C12orf42: variants seen among roughly 807,000 people sequenced by gnomAD.
C12orf42 encodes the protein chromosome 12 open reading frame 42, also known as uncharacterized protein C12orf42.
Under a neutral mutation model 21.6 loss-of-function variants are expected in C12orf42, and 25 were observed. The ratio of observed to expected loss-of-function variants is 1.16; its 90% confidence interval spans 0.84 to 1.62. The LOEUF is 1.62. C12orf42 is among the 40% of genes most tolerant of loss of function. The probability of loss-of-function intolerance (pLI) is 0.00; values close to 1 mark genes in which losing one functional copy is unlikely to be tolerated. For synonymous variants in C12orf42, 174 were observed against 175.0 expected (o/e 0.99, Z 0.05); for missense variants, 483 against 459.3 (o/e 1.05, Z -0.47).
At chr12:103,231,282 C>A in the C12orf42 span, among the ~76,000 whole-genome samples, 1 of 152,212 alleles carries the variant, frequency 6.6e-6, no homozygotes, top group Admixed American at 6.5e-5. Flanking sequence ...ACATTTATTA[C>A]AACTGATAAG....
chr12:103,309,899 G>C (rs1566054397), intron 4 of C12orf42, among the ~76,000 whole-genome samples: 1 of 152,256 alleles, frequency 6.6e-6, no homozygotes, highest in Non-Finnish European at 1.5e-5. Context: ...TGCCTTCAGA[G>C]GCCAGGCGGA....
At chr12:103,499,822 C>T (rs974830190), upstream of C12orf42, among the ~76,000 whole-genome samples, 1 of 152,120 alleles carries the variant, frequency 6.6e-6, no homozygotes, top group Non-Finnish European at 1.5e-5. Flanking sequence ...CATCTTTGAA[C>T]TTTATCAGAC....
the C12orf42 span, among the ~76,000 whole-genome samples, chr12:103,515,871 TA>T: frequency 6.6e-6 from 1 of 152,184 alleles, no homozygotes; most frequent in East Asian, 1.9e-4. Flanking sequence ...ATAAGGCAAA[TA>T]GGATTCTTAA....
chr12:103,491,031 T>G (rs1955153049), intron 1 of C12orf42, among the ~76,000 whole-genome samples: 1 of 152,188 alleles, frequency 6.6e-6, no homozygotes, highest in Non-Finnish European at 1.5e-5. Context: ...TAGTCCAGTC[T>G]GGCAATCATA....
the C12orf42 span, among the ~76,000 whole-genome samples, chr12:103,513,173 T>C: frequency 6.6e-6 from 1 of 151,984 alleles, no homozygotes; most frequent in South Asian, 2.1e-4. Context: ...GCACTGTAAA[T>C]GGTTCAGAGA....
chr12:103,431,633 T>C (rs1365420606), intron 2 of C12orf42, among the ~76,000 whole-genome samples: 2 of 152,198 alleles, frequency 1.3e-5, no homozygotes, highest in Admixed American at 6.5e-5. Flanking sequence ...TATACACATA[T>C]ACATTACATA....
the C12orf42 span, among the ~76,000 whole-genome samples, chr12:103,060,251 C>A: frequency 2.4e-4 from 37 of 152,030 alleles, no homozygotes; most frequent in Admixed American, 1.6e-3. Flanking sequence ...AATAAGATAC[C>A]TAGGAATACA....
the C12orf42 span, among the ~76,000 whole-genome samples, chr12:103,146,254 G>C: frequency 6.6e-6 from 1 of 151,996 alleles, no homozygotes; most frequent in African/African-American, 2.4e-5. Context: ...GCCAAGGCGG[G>C]TGGATCACTT....
the C12orf42 span, among the ~76,000 whole-genome samples, chr12:103,545,267 C>T: frequency 3.0e-4 from 46 of 152,276 alleles, no homozygotes; most frequent in Admixed American, 2.5e-3. Context: ...AACTCTAGCA[C>T]GCATTCCAAG....
intron 5 of C12orf42, among the ~76,000 whole-genome samples, chr12:103,271,269 G>A (rs202229983): frequency 3.9e-5 from 6 of 152,108 alleles, no homozygotes; most frequent in Admixed American, 1.3e-4. Flanking sequence ...CAGCTTAACC[G>A]CAACAGCCAC....
chr12:103,408,595 G>A (rs1287049047), intron 2 of C12orf42, among the ~76,000 whole-genome samples: 2 of 152,144 alleles, frequency 1.3e-5, no homozygotes, highest in African/African-American at 2.4e-5. Flanking sequence ...ATTTGTGTAT[G>A]ATTATAAAAC....
At chr12:103,346,709 A>C (rs1257429530) in intron 4 of C12orf42, among the ~76,000 whole-genome samples, 1 of 152,212 alleles carries the variant, frequency 6.6e-6, no homozygotes, top group African/African-American at 2.4e-5. Flanking sequence ...TCCTTCCGCA[A>C]CTGAGTGACA....
the C12orf42 span, among the ~76,000 whole-genome samples, chr12:103,224,280 A>T: frequency 6.6e-6 from 1 of 152,132 alleles, no homozygotes; most frequent in African/African-American, 2.4e-5. Context: ...GAGTAGTAGA[A>T]TAGCAGATGG....
chr12:103,425,865 G>A (rs370197471), intron 2 of C12orf42, among the ~76,000 whole-genome samples: 9 of 151,982 alleles, frequency 5.9e-5, no homozygotes, highest in South Asian at 2.1e-4. Flanking sequence ...GGTGGACTCC[G>A]TCCAGTTCCT....
chr12:103,549,350 C>A, the C12orf42 span: 1 of 152,092 alleles, frequency 6.6e-6, no homozygotes, highest in Non-Finnish European at 1.5e-5. Context: ...CAGACTTCCG[C>A]AATGGTAGCA....
At chr12:103,434,200 C>A (rs937501028) in intron 2 of C12orf42, among the ~76,000 whole-genome samples, 7 of 152,210 alleles carry the variant, frequency 4.6e-5, no homozygotes, top group Non-Finnish European at 8.8e-5. Context: ...CTTTCCCCAA[C>A]AGCTCCTCTA....
the C12orf42 span, among the ~76,000 whole-genome samples, chr12:103,131,450 G>T: frequency 6.6e-6 from 1 of 152,136 alleles, no homozygotes; most frequent in Non-Finnish European, 1.5e-5. Flanking sequence ...CACAATCTGG[G>T]AATGTGTTTA....
intron 2 of C12orf42, among the ~76,000 whole-genome samples, chr12:103,448,681 A>G (rs1341442367): frequency 6.6e-6 from 1 of 152,120 alleles, no homozygotes; most frequent in Non-Finnish European, 1.5e-5. Context: ...AGCATATAGA[A>G]AAATGCTCAA....
intron 1 of C12orf42, among the ~76,000 whole-genome samples, chr12:103,482,306 T>C (rs891100736): frequency 2.0e-5 from 3 of 152,130 alleles, no homozygotes; most frequent in African/African-American, 7.2e-5. Flanking sequence ...CACTTGAATA[T>C]AGTTTTGCTG....
Sources: allele counts gnomAD v4.1 joint callset (sites outside exome capture counted in the v4.1 genomes callset), GRCh38; gene constraint gnomAD v4.1.1; transcripts MANE v1.5; gene names NCBI Gene and HGNC (gene_info 2026-07-23, HGNC 2026-07-21).